The following PCSK5 variants were observed in gnomAD, a reference collection of about 807,000 sequenced individuals.
The protein encoded by PCSK5 is proprotein convertase subtilisin/kexin type 5.
PCSK5 carries 129 observed loss-of-function variants against 233.2 expected under a neutral mutation model. The ratio of observed to expected loss-of-function variants is 0.55; its 90% confidence interval spans 0.48 to 0.64. The LOEUF is 0.64. PCSK5 is among the 30% of genes least tolerant of loss of function. PCSK5 has a pLI of 0.00. For missense variants in PCSK5, 2,076 were observed against 2,430.1 expected (o/e 0.85, Z 3.06); for synonymous variants, 825 against 879.2 (o/e 0.94, Z 1.09).
At chr9:76,077,591 G>T (rs955490000) in intron 7 of PCSK5, among the ~76,000 whole-genome samples, 2 of 152,006 alleles carry the variant, frequency 1.3e-5, no homozygotes, top group African/African-American at 2.4e-5. Flanking sequence ...AGTGTCTGTT[G>T]TTCCCATCAT....
rs1830453273 is a variant in PCSK5 at position 76,362,909 on chromosome 9, G to A, written c.*3987G>A. Among the ~76,000 whole-genome samples, 2 of 152,130 alleles carry A rather than the reference G, an allele frequency of 1.3e-5. No individual in the cohort carries two copies. Among genetic ancestry groups the A allele is most frequent in the African/African-American group, 4.8e-5 (2 of 41,438 alleles). ...AAAAGGGACAGGAATTGCTCACTCG[G>A]GGAGCTCGGCTCTTGAGACAGGAGT... On this transcript the variant is annotated 3_prime_UTR_variant, in exon 38 of 38. Transcript: ENST00000674117.
intron 22 of PCSK5, 98 bp from the exon 23 acceptor site, chr9:76,238,861 C>A: frequency 1.1e-6 from 1 of 879,636 alleles, no homozygotes; most frequent in Non-Finnish European, 1.8e-6. Context: ...AAAAAGCACT[C>A]AGTCGCATCT....
intron 5 of PCSK5, among the ~76,000 whole-genome samples, chr9:76,049,061 C>T (rs1305270111): frequency 6.6e-6 from 1 of 151,670 alleles, no homozygotes; most frequent in African/African-American, 2.4e-5. Context: ...TACCCAGTGA[C>T]CCTCTACCTG....
chr9:76,059,456 T>C (rs1321919583), intron 5 of PCSK5, among the ~76,000 whole-genome samples: 1 of 152,258 alleles, frequency 6.6e-6, no homozygotes, highest in Non-Finnish European at 1.5e-5. Context: ...TGAATGGTAA[T>C]GCCTAGGTTT....
At chr9:76,055,092 G>T (rs915605404) in intron 5 of PCSK5, among the ~76,000 whole-genome samples, 1 of 151,850 alleles carries the variant, frequency 6.6e-6, no homozygotes, top group African/African-American at 2.4e-5. Context: ...TATTCCCGAT[G>T]GCCAAAATGA....
At chr9:76,325,921 G>A (rs1039216761) in intron 32 of PCSK5, among the ~76,000 whole-genome samples, 11 of 152,156 alleles carry the variant, frequency 7.2e-5, no homozygotes, top group African/African-American at 2.4e-4. Flanking sequence ...ACAGGCGTGA[G>A]CCACCATGCC....
At chr9:76,272,447 A>G (rs1827544721) in intron 24 of PCSK5, among the ~76,000 whole-genome samples, 1 of 152,004 alleles carries the variant, frequency 6.6e-6, no homozygotes, top group South Asian at 2.1e-4. Flanking sequence ...AACTGCCTAC[A>G]AATCTAAAAT....
At chr9:76,266,386 G>A (rs569654115) in intron 24 of PCSK5, among the ~76,000 whole-genome samples, 215 of 152,290 alleles carry the variant, frequency 1.4e-3, no homozygotes, top group Non-Finnish European at 2.4e-3. Flanking sequence ...GGGCCAAAAG[G>A]AGGGATCATG....
chr9:76,136,483 C>G (rs909266724), intron 10 of PCSK5, among the ~76,000 whole-genome samples: 5 of 151,994 alleles, frequency 3.3e-5, no homozygotes, highest in South Asian at 4.1e-4. Flanking sequence ...TGAGGTCAGC[C>G]GGCTTTTGCA....
chr9:76,011,598 A>AT (rs1827732879), intron 3 of PCSK5, among the ~76,000 whole-genome samples: 1 of 152,220 alleles, frequency 6.6e-6, no homozygotes, highest in Non-Finnish European at 1.5e-5. Flanking sequence ...TATCATAGCA[A>AT]TAGCAAATTA....
At chr9:76,289,507 A>G (rs1477239479) in intron 24 of PCSK5, among the ~76,000 whole-genome samples, 57 of 117,922 alleles carry the variant, frequency 4.8e-4, no homozygotes, top group African/African-American at 1.7e-3. Flanking sequence ...ACACACACAC[A>G]CACGCAACAT....
intron 24 of PCSK5, among the ~76,000 whole-genome samples, chr9:76,279,032 A>T (rs1322304961): frequency 6.7e-6 from 1 of 150,156 alleles, no homozygotes; most frequent in Non-Finnish European, 1.5e-5. Context: ...ATCTAGCATT[A>T]GGCATGTCTC....
chr9:76,013,131 TA>T (rs1000027844), intron 3 of PCSK5, among the ~76,000 whole-genome samples: 10 of 152,170 alleles, frequency 6.6e-5, no homozygotes, highest in African/African-American at 2.2e-4. Context: ...CTTAGTGCCT[TA>T]ATTTGAGACA....
chr9:76,334,035 A>G (rs890329187), intron 34 of PCSK5, among the ~76,000 whole-genome samples: 4 of 152,210 alleles, frequency 2.6e-5, no homozygotes, highest in African/African-American at 9.6e-5. Context: ...GAGGCCTCAC[A>G]ATCATGGCAG....
chr9:76,199,429 G>A (rs1824827749), intron 20 of PCSK5, among the ~76,000 whole-genome samples: 1 of 152,172 alleles, frequency 6.6e-6, no homozygotes, highest in Non-Finnish European at 1.5e-5. Context: ...TATAATTAAT[G>A]TTAATGTAGA....
intron 20 of PCSK5, among the ~76,000 whole-genome samples, chr9:76,213,437 T>C (rs1825403186): frequency 1.3e-5 from 2 of 152,048 alleles, no homozygotes; most frequent in South Asian, 2.1e-4. Flanking sequence ...GCAGCTAGAG[T>C]AGATGAGCTC....
At chr9:76,143,488 A>G (rs903431591) in intron 10 of PCSK5, among the ~76,000 whole-genome samples, 2 of 152,182 alleles carry the variant, frequency 1.3e-5, no homozygotes, top group Non-Finnish European at 2.9e-5. Flanking sequence ...TATTTCTTAC[A>G]CTGATGGTGC....
At chr9:75,998,703 G>C (rs1264013052) in intron 3 of PCSK5, among the ~76,000 whole-genome samples, 1 of 152,052 alleles carries the variant, frequency 6.6e-6, no homozygotes, top group African/African-American at 2.4e-5. Context: ...AAATTTAAAA[G>C]CAAAAGTCAG....
chr9:76,183,269 C>T (rs2131222067), intron 16 of PCSK5, among the ~76,000 whole-genome samples: 1 of 152,306 alleles, frequency 6.6e-6, no homozygotes, highest in East Asian at 1.9e-4. Context: ...CAAACTATGA[C>T]TTCAGCTACC....
Sources: gnomAD v4.1 joint callset for allele counts (sites outside exome capture counted in the v4.1 genomes callset) on GRCh38, gnomAD v4.1.1 for gene constraint, MANE v1.5 for transcripts, NCBI Gene and HGNC (gene_info 2026-07-23, HGNC 2026-07-21) for gene names.